The following ZMAT4 variants were observed in gnomAD, a reference collection of about 807,000 sequenced individuals.
ZMAT4 encodes zinc finger matrin-type 4.
Under a neutral mutation model 28.7 loss-of-function variants are expected in ZMAT4, and 17 were observed. The observed-to-expected ratio is 0.59, with a 90% CI of 0.41 to 0.89. The LOEUF (loss-of-function observed/expected upper bound fraction) is 0.89, where lower values mean the gene tolerates loss of function less well. Ranked by LOEUF, ZMAT4 falls within the 40% of genes least tolerant of loss-of-function variation. ZMAT4 has a pLI of 0.00. For missense variants in ZMAT4, 240 were observed against 283.8 expected (o/e 0.85, Z 1.11); for synonymous variants, 117 against 109.2 (o/e 1.07, Z -0.44).
chr8:40,821,113 G>A lies in ZMAT4; in HGVS notation c.102+4462C>T, dbSNP rs146127708. ...GTGTATGGGGGGAGTGTGTATGTGT[G>A]TACACACACATATATCATCTTTCTG... On this transcript the variant is annotated intron_variant, in intron 2 of 6. Coordinates refer to ENST00000297737, the MANE Select transcript of ZMAT4 (RefSeq NM_024645.3). Among the ~76,000 whole-genome samples, 350 of 151,932 alleles carry A rather than the reference G, an allele frequency of 2.3e-3. 1 individual carries two copies. The highest frequency in any genetic ancestry group is 8.3e-3 in the African/African-American group (342 of 41,410).
At chr8:40,869,587 T>C (rs1475040028) in intron 1 of ZMAT4, among the ~76,000 whole-genome samples, 1 of 152,180 alleles carries the variant, frequency 6.6e-6, no homozygotes, top group Non-Finnish European at 1.5e-5. Flanking sequence ...AAGGAGATAA[T>C]CTTGAAGCTC....
At chr8:40,738,970 T>A (rs1811888142) in intron 3 of ZMAT4, among the ~76,000 whole-genome samples, 1 of 152,202 alleles carries the variant, frequency 6.6e-6, no homozygotes, top group Non-Finnish European at 1.5e-5. Context: ...TAGAAAACAA[T>A]TTGTATGTTA....
At chr8:40,760,706 G>GTCTCTCTC (rs56024719) in intron 3 of ZMAT4, among the ~76,000 whole-genome samples, 8,781 of 142,418 alleles carry the variant, frequency 0.062, 298 homozygotes, top group African/African-American at 0.071. Flanking sequence ...CTCTGTCACA[G>GTCTCTCTC]TCTCTCTCTC....
chr8:40,837,276 C>T (rs910485315), intron 1 of ZMAT4, among the ~76,000 whole-genome samples: 1 of 152,202 alleles, frequency 6.6e-6, no homozygotes, highest in Non-Finnish European at 1.5e-5. Flanking sequence ...CTGGACGTTG[C>T]AGTCCTGCTC....
chr8:40,772,657 G>A (rs1458186924), intron 2 of ZMAT4, among the ~76,000 whole-genome samples: 1 of 152,134 alleles, frequency 6.6e-6, no homozygotes, highest in Non-Finnish European at 1.5e-5. Context: ...TGGCAGGAGA[G>A]GTGTTATCTC....
intron 3 of ZMAT4, among the ~76,000 whole-genome samples, chr8:40,762,196 T>A (rs1812969808): frequency 6.6e-6 from 1 of 152,222 alleles, no homozygotes; most frequent in Admixed American, 6.5e-5. Context: ...ACTAAGTGAA[T>A]AATGTCCCCC....
At chr8:40,710,019 C>T (rs1156983707) in intron 3 of ZMAT4, among the ~76,000 whole-genome samples, 1 of 136,140 alleles carries the variant, frequency 7.3e-6, no homozygotes, top group Non-Finnish European at 1.5e-5. Flanking sequence ...GCCTGGGCAA[C>T]AGTCTGAGAC....
chr8:40,671,089 G>GTCACTAATTC (rs1563401417), intron 5 of ZMAT4, among the ~76,000 whole-genome samples: 1 of 149,904 alleles, frequency 6.7e-6, no homozygotes, highest in Non-Finnish European at 1.5e-5. Context: ...AAAAGTACTT[G>GTCACTAATTC]ACATCATTAG....
intron 5 of ZMAT4, among the ~76,000 whole-genome samples, chr8:40,625,224 A>T (rs893133195): frequency 6.6e-6 from 1 of 152,052 alleles, no homozygotes; most frequent in Non-Finnish European, 1.5e-5. Flanking sequence ...AAATGAGAGG[A>T]AGAACGGAGG....
chr8:40,655,801 C>T (rs1807893298), intron 5 of ZMAT4, among the ~76,000 whole-genome samples: 1 of 151,720 alleles, frequency 6.6e-6, no homozygotes, highest in Non-Finnish European at 1.5e-5. Context: ...AAAAATTAAG[C>T]CAAAATGAAT....
chr8:40,535,412 T>C (rs1161836894), intron 6 of ZMAT4, among the ~76,000 whole-genome samples: 1 of 152,192 alleles, frequency 6.6e-6, no homozygotes, highest in African/African-American at 2.4e-5. Flanking sequence ...GGCTCACGCC[T>C]GTAATCCCAG....
At position 40,633,883 on chromosome 8, in the gene ZMAT4, G is replaced by A. The variant is rs538904915; in HGVS notation, c.577+40821C>T. 3.3e-5 allele frequency among the ~76,000 whole-genome samples: 5 copies of A among 152,320 alleles called. No homozygotes were observed. In the East Asian group the frequency reaches 5.8e-4, roughly 18 times the overall value. On this transcript the variant is annotated intron_variant, in intron 5 of 6. Transcript: ENST00000297737. ...CCAGGAGCACCATGAAGCTCTGCCC[G>A]TTTTCGGAAAGCAGCTTAGCTATGA...
At chr8:40,809,783 C>T (rs1003408837) in intron 2 of ZMAT4, among the ~76,000 whole-genome samples, 1 of 152,086 alleles carries the variant, frequency 6.6e-6, no homozygotes, top group African/African-American at 2.4e-5. Flanking sequence ...GTGGACCACA[C>T]CTGTAATCCT....
At chr8:40,857,859 T>A (rs971869517) in intron 1 of ZMAT4, among the ~76,000 whole-genome samples, 3 of 152,114 alleles carry the variant, frequency 2.0e-5, no homozygotes, top group African/African-American at 7.2e-5. Flanking sequence ...GAACTACAAA[T>A]ATAAGGGACA....
chr8:40,746,986 C>G (rs6995809), intron 3 of ZMAT4, among the ~76,000 whole-genome samples: 18,811 of 152,072 alleles, frequency 0.12, 1,638 homozygotes, highest in East Asian at 0.38. Context: ...GATCTCTCCC[C>G]ACGTGCTCTC....
chr8:40,727,308 C>G (rs567394257), intron 3 of ZMAT4, among the ~76,000 whole-genome samples: 1 of 152,246 alleles, frequency 6.6e-6, no homozygotes, highest in South Asian at 2.1e-4. Context: ...CATATTCCCT[C>G]GTGTCTATTT....
chr8:40,634,236 C>A (rs1482840011), intron 5 of ZMAT4, among the ~76,000 whole-genome samples: 1 of 152,190 alleles, frequency 6.6e-6, no homozygotes, highest in African/African-American at 2.4e-5. Context: ...ACATCAGACA[C>A]AACGGAGCTT....
At chr8:40,857,022 T>C (rs999205492) in intron 1 of ZMAT4, among the ~76,000 whole-genome samples, 3 of 152,086 alleles carry the variant, frequency 2.0e-5, no homozygotes, top group Non-Finnish European at 4.4e-5. Flanking sequence ...CTGCTATTGG[T>C]GTTAGTTATT....
intron 2 of ZMAT4, among the ~76,000 whole-genome samples, chr8:40,814,114 T>C (rs1040389354): frequency 2.1e-5 from 3 of 143,758 alleles, no homozygotes; most frequent in Non-Finnish European, 4.6e-5. Context: ...GAGAAAGTGA[T>C]AGCATTTGAA....
Sources: gnomAD v4.1 joint callset for allele counts (sites outside exome capture counted in the v4.1 genomes callset) on GRCh38, gnomAD v4.1.1 for gene constraint, MANE v1.5 for transcripts, NCBI Gene and HGNC (gene_info 2026-07-23, HGNC 2026-07-21) for gene names.